Variants in FHL1 observed in about 807,000 individuals in gnomAD.
The protein encoded by FHL1 is four and a half LIM domains protein 1.
A neutral mutation model predicts 20.3 loss-of-function variants in FHL1; 1 was observed. The observed-to-expected ratio is 0.05, with a 90% CI of 0.02 to 0.23. The LOEUF is 0.23. FHL1 is among the 10% of genes least tolerant of loss of function. The probability of loss-of-function intolerance (pLI) is 1.00; values close to 1 mark genes in which losing one functional copy is unlikely to be tolerated. For synonymous variants in FHL1, 82 were observed against 88.9 expected, an observed-to-expected ratio of 0.92 and a Z score of 0.44; for missense variants, 177 against 234.0, an observed-to-expected ratio of 0.76 and a Z score of 1.59.
At chrX:136,148,725 G>A (rs1029694013) in intron 1 of FHL1, 2 of 111,887 alleles carry the variant, frequency 1.8e-5, no homozygotes, top group Non-Finnish European at 3.8e-5. Flanking sequence ...TTGGGAATGT[G>A]CGAGTTTCTC....
rs762342029 is a variant in FHL1, at chrX:136,185,397, T to G, written c.-27+15417T>G. Among the ~76,000 whole-genome samples, 6 of 112,459 alleles carry G rather than the reference T, an allele frequency of 5.3e-5. No individual in the cohort carries two copies. In the Admixed American group the frequency reaches 5.7e-4, roughly 11 times the overall value. On this transcript the variant is annotated intron_variant, in intron 2 of 6. Coordinates refer to the FHL1 transcript ENST00000394153. ...CATGACGTGGCTGGGGATCCCTGTTTTAACATCTAACAAAGATAGCTGCCA... is the reference window on the plus strand; with the variant it reads ...CATGACGTGGCTGGGGATCCCTGTTGTAACATCTAACAAAGATAGCTGCCA...
rs1290763318 is a variant in FHL1, at chrX:136,210,419, C to G, written c.*394C>G. 1 of 394,837 alleles carries G rather than the reference C, an allele frequency of 2.5e-6. No individual in the cohort carries two copies. Among genetic ancestry groups the G allele is most frequent in the Non-Finnish European group, 4.7e-6 (1 of 210,684 alleles). 32.5% of individuals were successfully genotyped at this position (394,837 alleles called of 1,213,427 possible). On this transcript the variant is annotated 3_prime_UTR_variant, in exon 6 of 6. Transcript: ENST00000370683. ...AGCTGGGACCCACCGTGTAGACACACGACATGCAAGAGTTGCAGCGGCTGC... is the reference window on the plus strand; with the variant it reads ...AGCTGGGACCCACCGTGTAGACACAGGACATGCAAGAGTTGCAGCGGCTGC...
At position 136,150,776 on chromosome X, in the gene FHL1, A is replaced by C. The variant is rs757126886; in HGVS notation, c.-101+3148A>C. On this transcript the variant is annotated intron_variant, in intron 1 of 7. Coordinates refer to the FHL1 transcript ENST00000394155. The stretch of plus-strand genomic sequence containing the variant: ...TTCCACCTTTCTGGTGAAGTTATGA[A>C]AATGAAAAATAGACAGTGAATCTGT... Among the ~76,000 whole-genome samples, 85 of 112,546 alleles carry C rather than the reference A, an allele frequency of 7.6e-4. 1 individual carries two copies. The highest frequency in any genetic ancestry group is 1.4e-3 in the Non-Finnish European group (77 of 53,342).
intron 1 of FHL1, among the ~76,000 whole-genome samples, chrX:136,199,791 A>G (rs1197204376): frequency 2.7e-5 from 3 of 112,036 alleles, no homozygotes; most frequent in South Asian, 3.8e-4. Flanking sequence ...GAAAAATGCT[A>G]CCTACTCATG....
At chrX:136,180,453 G>GAA (rs11434261) in intron 2 of FHL1, among the ~76,000 whole-genome samples, 1 of 110,387 alleles carries the variant, frequency 9.1e-6, no homozygotes, top group African/African-American at 3.3e-5. Flanking sequence ...ATGAAGTCTA[G>GAA]AGAGGGTTTG....
At chrX:136,178,764 T>C (rs2073075503) in intron 2 of FHL1, among the ~76,000 whole-genome samples, 1 of 109,441 alleles carries the variant, frequency 9.1e-6, no homozygotes, top group South Asian at 4.0e-4. Context: ...ATTCTTTTTT[T>C]TTTTTTTTGA....
At chrX:136,200,381 AT>A (rs1218184938) in intron 1 of FHL1, among the ~76,000 whole-genome samples, 4 of 112,124 alleles carry the variant, frequency 3.6e-5, no homozygotes, top group Non-Finnish European at 7.5e-5. Flanking sequence ...AAATCAGGAA[AT>A]AGTATGTCAT....
At chrX:136,194,036 A>G (rs2073495766), upstream of FHL1, among the ~76,000 whole-genome samples, 1 of 109,386 alleles carries the variant, frequency 9.1e-6, no homozygotes, top group African/African-American at 3.3e-5. Flanking sequence ...TTTTCTTGGA[A>G]CACTCCCTCC....
At chrX:136,163,088 G>A (rs2072617671) in intron 1 of FHL1, among the ~76,000 whole-genome samples, 2 of 112,239 alleles carry the variant, frequency 1.8e-5, no homozygotes, top group Admixed American at 9.4e-5. Context: ...CCATCCACCA[G>A]GGAGGAGCTC....
At chrX:136,181,305 A>G (rs2073152344) in intron 2 of FHL1, among the ~76,000 whole-genome samples, 1 of 111,731 alleles carries the variant, frequency 9.0e-6, no homozygotes, top group African/African-American at 3.2e-5. Flanking sequence ...ACCTTTAGGA[A>G]TCTGCAAACA....
At chrX:136,159,162 T>A (rs1253136259) in intron 1 of FHL1, among the ~76,000 whole-genome samples, 1 of 102,347 alleles carries the variant, frequency 9.8e-6, no homozygotes, top group Non-Finnish European at 2.0e-5. Flanking sequence ...GTCTACTAAT[T>A]AAAAAAAAAA....
intron 2 of FHL1, among the ~76,000 whole-genome samples, chrX:136,186,418 ATC>A (rs2073288984): frequency 9.0e-6 from 1 of 111,214 alleles, no homozygotes; most frequent in Non-Finnish European, 1.9e-5. Context: ...AGATCTTTTC[ATC>A]TCTTTCCTTT....
chrX:136,154,710 C>G (rs750832991), intron 1 of FHL1, among the ~76,000 whole-genome samples: 1 of 103,081 alleles, frequency 9.7e-6, no homozygotes, highest in South Asian at 4.3e-4. Flanking sequence ...AATCTGGCAT[C>G]TTTTTTTTTT....
Position 136,210,850 on chromosome X carries a change from T to C in FHL1, c.*825T>C. On this transcript the variant is annotated 3_prime_UTR_variant, in exon 6 of 6. Transcript: ENST00000370683. ...TGTTTTAATTGATAGCAAAATAGTT[T>C]ATGGGTTTGGAAACTTGCATGAAAA... is the stretch of plus-strand genomic sequence containing the variant. The C allele has an allele frequency of 2.6e-6, 1 of 385,753 alleles. No individual in the cohort carries two copies. Among genetic ancestry groups the C allele is most frequent in the East Asian group, 5.5e-5 (1 of 18,343 alleles). 31.8% of individuals were successfully genotyped at this position (385,753 alleles called of 1,213,427 possible).
intron 2 of FHL1, among the ~76,000 whole-genome samples, chrX:136,190,134 G>T (rs1025441895): frequency 1.8e-5 from 2 of 111,786 alleles, no homozygotes; most frequent in South Asian, 3.8e-4. Flanking sequence ...GAAGGGTGGG[G>T]ATGTGAGGTG....
intron 2 of FHL1, among the ~76,000 whole-genome samples, chrX:136,174,286 A>T (rs181220831): frequency 2.7e-5 from 3 of 111,952 alleles, no homozygotes; most frequent in Non-Finnish European, 5.6e-5. Flanking sequence ...ATTTCAGAGG[A>T]AGGTTACTTT....
chrX:136,196,968 G>A, upstream of FHL1: 1 of 1,011,313 alleles, frequency 9.9e-7, no homozygotes. Context: ...TGTGATCTCT[G>A]GGGAGGGGTG....
chrX:136,173,988 G>A (rs777676739), intron 2 of FHL1, among the ~76,000 whole-genome samples: 3 of 111,821 alleles, frequency 2.7e-5, no homozygotes, highest in East Asian at 2.8e-4. Context: ...GTGAGCCCCC[G>A]CACCTAGCCA....
At chrX:136,201,462 T>C (rs1169254274) in intron 1 of FHL1, among the ~76,000 whole-genome samples, 1 of 105,729 alleles carries the variant, frequency 9.5e-6, no homozygotes, top group Non-Finnish European at 2.0e-5. Context: ...TTCCCAGAGG[T>C]AGGTCTTATA....
Sources: gnomAD v4.1 joint callset for allele counts (sites outside exome capture counted in the v4.1 genomes callset) on GRCh38, gnomAD v4.1.1 for gene constraint, MANE v1.5 for transcripts, NCBI Gene and HGNC (gene_info 2026-07-23, HGNC 2026-07-21) for gene names.